The following RAPGEF6 variants were observed in gnomAD, a reference collection of about 807,000 sequenced individuals.
RAPGEF6 encodes the protein Rap guanine nucleotide exchange factor 6, also known as PDZ domain containing guanine nucleotide exchange factor (GEF) 2.
RAPGEF6 carries 56 observed loss-of-function variants against 171.4 expected under a neutral mutation model. That is an observed-to-expected ratio of 0.33 (90% CI 0.26 to 0.41). The LOEUF (loss-of-function observed/expected upper bound fraction) is 0.41. Among genes scored for constraint, RAPGEF6 ranks in the 10% least tolerant of loss-of-function variants. The probability of loss-of-function intolerance (pLI) is 1.00; values close to 1 mark genes in which losing one functional copy is unlikely to be tolerated. For synonymous variants in RAPGEF6, 692 were observed against 650.1 expected (o/e 1.06, Z -0.98); for missense variants, 1,674 against 1,921.4 (o/e 0.87, Z 2.41).
intron 1 of RAPGEF6, among the ~76,000 whole-genome samples, chr5:131,620,870 G>T (rs575732916): frequency 3.6e-4 from 55 of 152,320 alleles, no homozygotes; most frequent in African/African-American, 1.3e-3. Flanking sequence ...GAGATTACAG[G>T]CATGACAAAC....
At chr5:131,481,277 G>A (rs1013232490) in intron 15 of RAPGEF6, among the ~76,000 whole-genome samples, 8 of 151,258 alleles carry the variant, frequency 5.3e-5, no homozygotes, top group African/African-American at 1.9e-4. Flanking sequence ...CCAGGCTGGA[G>A]TTCAGTGGTG....
At chr5:131,475,821 T>C (rs1755053075) in intron 16 of RAPGEF6, among the ~76,000 whole-genome samples, 1 of 152,212 alleles carries the variant, frequency 6.6e-6, no homozygotes, top group Non-Finnish European at 1.5e-5. Context: ...CAAGTATTTG[T>C]TCTTTCCTTA....
chr5:131,562,206 GA>G lies in RAPGEF6; in HGVS notation c.282-160del, dbSNP rs947650175. Among the ~76,000 whole-genome samples, 156 of 140,132 alleles carry G rather than the reference GA, an allele frequency of 1.1e-3. 1 individual carries two copies. Among genetic ancestry groups the G allele is most frequent in the African/African-American group, 3.0e-3 (117 of 38,518 alleles). The allele number at this position is 140,132 out of a possible 152,430, so 91.9% of individuals were successfully genotyped here. ...ATGTTAAGATTTTCTAAAAAAGAAA[GA>G]AAAAAAAAAACCTTTCTCTTAATTG... is the stretch of plus-strand genomic sequence containing the variant. On this transcript the variant is annotated intron_variant, in intron 4 of 27. Coordinates refer to ENST00000509018, the MANE Select transcript of RAPGEF6 (RefSeq NM_016340.6).
At chr5:131,524,914 C>A (rs1218461578) in intron 6 of RAPGEF6, among the ~76,000 whole-genome samples, 1 of 152,058 alleles carries the variant, frequency 6.6e-6, no homozygotes, top group African/African-American at 2.4e-5. Context: ...CCTTGCCTGG[C>A]CAAGGTGATG....
chr5:131,588,666 C>T (rs534595812), intron 4 of RAPGEF6, among the ~76,000 whole-genome samples: 78 of 152,152 alleles, frequency 5.1e-4, no homozygotes, highest in Middle Eastern at 3.4e-3. Context: ...TCACTTGAAC[C>T]TGGGAGGCAG....
chr5:131,473,121 T>A (rs1754864842), intron 16 of RAPGEF6, among the ~76,000 whole-genome samples: 1 of 152,158 alleles, frequency 6.6e-6, no homozygotes, highest in East Asian at 1.9e-4. Context: ...TAGCAAGGTG[T>A]TCTCTTTCTC....
At chr5:131,507,994 G>T in intron 9 of RAPGEF6, 77 bp downstream of exon 9, 1 of 1,295,132 alleles carries the variant, frequency 7.7e-7, no homozygotes, top group Non-Finnish European at 1.0e-6. Flanking sequence ...TCAAAAATCA[G>T]GACAAATTTA....
rs558433432 is a variant in RAPGEF6 at position 131,582,534 on chromosome 5, G to C, written c.281+9849C>G. Among the ~76,000 whole-genome samples the C allele has an allele frequency of 6.2e-4, 94 of 152,116 alleles. 1 individual carries two copies. Among genetic ancestry groups the C allele is most frequent in the Middle Eastern group, 3.4e-3 (1 of 294 alleles). On this transcript the variant is annotated intron_variant, in intron 4 of 27. Coordinates refer to ENST00000509018, the MANE Select transcript of RAPGEF6 (RefSeq NM_016340.6). Reference sequence around the variant, plus strand: ...ATTAAGAAAATTATTTGCAACCTTGGGTTAATAGCAGATTTTACATATGAC... The same window carrying C: ...ATTAAGAAAATTATTTGCAACCTTGCGTTAATAGCAGATTTTACATATGAC...
At chr5:131,485,743 G>A (rs1378319709) in intron 15 of RAPGEF6, among the ~76,000 whole-genome samples, 2 of 152,194 alleles carry the variant, frequency 1.3e-5, no homozygotes, top group Admixed American at 6.5e-5. Context: ...TTACTATTAA[G>A]TTCAGTGAGA....
chr5:131,568,804 C>T (rs2149976794), intron 4 of RAPGEF6, among the ~76,000 whole-genome samples: 1 of 152,200 alleles, frequency 6.6e-6, no homozygotes, highest in East Asian at 1.9e-4. Flanking sequence ...CTATGTTTAA[C>T]ATAGTAGACT....
At chr5:131,607,863 A>C (rs1192368474) in intron 1 of RAPGEF6, among the ~76,000 whole-genome samples, 1 of 152,248 alleles carries the variant, frequency 6.6e-6, no homozygotes, top group Non-Finnish European at 1.5e-5. Context: ...ATAAAATAAA[A>C]GAAACTAGAC....
chr5:131,552,022 G>A (rs1311553763), intron 5 of RAPGEF6, among the ~76,000 whole-genome samples: 3 of 152,042 alleles, frequency 2.0e-5, no homozygotes, highest in African/African-American at 7.2e-5. Flanking sequence ...AAGAATACTT[G>A]AACTTGGGAA....
chr5:131,507,964 T>C, intron 9 of RAPGEF6, 107 bp downstream of exon 9: 1 of 1,051,526 alleles, frequency 9.5e-7, no homozygotes, highest in Non-Finnish European at 1.3e-6. Context: ...GAAATCTGTA[T>C]AAATTTCAAA....
intron 1 of RAPGEF6, 113 bp downstream of exon 1, chr5:131,634,848 TC>T: frequency 8.3e-7 from 1 of 1,209,906 alleles, no homozygotes; most frequent in Non-Finnish European, 1.2e-6. Flanking sequence ...GCGAACAGAT[TC>T]CCAGTAGCAG....
In RAPGEF6 at chr5:131,479,749, G is replaced by C; in HGVS notation, c.1845C>G (p.Phe615Leu). Residue 615 changes from phenylalanine to leucine, a missense_variant, in exon 16 of 28, where the codon TTC becomes TTG. Phe to Leu is a conservative substitution (Grantham distance 22). Coordinates refer to ENST00000509018, the MANE Select transcript of RAPGEF6 (RefSeq NM_016340.6). ...GTTCAGTCCTAAAAAGTAACTCTTTGAACACTGTGGAAATAAAACAAATGC... is the reference window on the plus strand; with the variant it reads ...GTTCAGTCCTAAAAAGTAACTCTTTCAACACTGTGGAAATAAAACAAATGC... ...ALTVKTNIFV[F>L]KELLFRTEQE... The C allele has an allele frequency of 3.1e-6, 5 of 1,610,680 alleles. No homozygotes were observed. The highest frequency in any genetic ancestry group is 4.2e-6 in the Non-Finnish European group (5 of 1,178,774).
rs1253861054 is a variant in RAPGEF6 at position 131,508,147 on chromosome 5, C to T, written c.866G>A (p.Arg289Lys). The T allele has an allele frequency of 6.2e-7, 1 of 1,613,298 alleles. No homozygotes were observed. Among genetic ancestry groups the T allele is most frequent in the Non-Finnish European group, 8.5e-7 (1 of 1,179,638 alleles). ...PAFANMTMSV[R>K]RELCSVMIFE... is the part of the protein sequence containing the mutation. ...AATCATCACTGAGCAGAGTTCTCTCCTTACAGACATGGTCATGTTTGCAAA... is the reference window on the plus strand; with the variant it reads ...AATCATCACTGAGCAGAGTTCTCTCTTTACAGACATGGTCATGTTTGCAAA... The change falls in exon 9 of 28, where the codon AGG becomes AAG. Residue 289 changes from arginine (R) to lysine (K), a missense_variant. Arg to Lys is a conservative substitution (Grantham distance 26). Coordinates refer to ENST00000509018, the MANE Select transcript of RAPGEF6 (RefSeq NM_016340.6).
At chr5:131,442,830 C>T (rs181850312) in intron 22 of RAPGEF6, among the ~76,000 whole-genome samples, 47 of 152,180 alleles carry the variant, frequency 3.1e-4, no homozygotes, top group Non-Finnish European at 5.3e-4. Context: ...CTCTGTCGCC[C>T]GGGCTGAAGT....
chr5:131,526,833 C>T (rs971557022), intron 6 of RAPGEF6, among the ~76,000 whole-genome samples: 8 of 152,176 alleles, frequency 5.3e-5, no homozygotes, highest in Non-Finnish European at 1.0e-4. Flanking sequence ...CACATGTCCA[C>T]AAGGCCTACT....
At chr5:131,442,639 CA>C in intron 22 of RAPGEF6, 102 bp from the exon 23 acceptor site, 1 of 1,460,682 alleles carries the variant, frequency 6.8e-7, no homozygotes, top group Non-Finnish European at 9.1e-7. Flanking sequence ...ATTTTTAGCA[CA>C]AAAGATAAAA....
Sources: allele counts gnomAD v4.1 joint callset (sites outside exome capture counted in the v4.1 genomes callset), GRCh38; gene constraint gnomAD v4.1.1; transcripts MANE v1.5; gene names NCBI Gene and HGNC (gene_info 2026-07-23, HGNC 2026-07-21).